C16orf89: variants seen among roughly 807,000 people sequenced by gnomAD.
The protein encoded by C16orf89 is UPF0764 protein C16orf89.
C16orf89 carries 57 observed loss-of-function variants against 41.5 expected under a neutral mutation model. The observed-to-expected ratio is 1.38, with a 90% CI of 1.11 to 1.71. C16orf89 has a LOEUF of 1.71. Ranked by LOEUF, C16orf89 falls within the 40% of genes most tolerant of loss-of-function variation. C16orf89 has a pLI of 0.00. For missense variants in C16orf89, 575 were observed against 445.9 expected (o/e 1.29, Z -2.61); for synonymous variants, 223 against 190.6 (o/e 1.17, Z -1.40).
chr16:5,064,276 G>C (rs1956690204), intron 1 of C16orf89, among the ~76,000 whole-genome samples: 1 of 152,196 alleles, frequency 6.6e-6, no homozygotes, highest in Non-Finnish European at 1.5e-5. Flanking sequence ...AAAAGGTTGG[G>C]GACCACTGCA....
At position 5,055,777 on chromosome 16, in the gene C16orf89, T is replaced by C. The variant is rs1046089445; in HGVS notation, c.763+276A>G. 13 of 1,502,814 alleles carry C rather than the reference T, an allele frequency of 8.7e-6. No individual in the cohort carries two copies. In the Admixed American group the frequency reaches 2.6e-4, roughly 30 times the overall value. The allele number at this position is 1,502,814 out of a possible 1,614,324, so 93.1% of individuals were successfully genotyped here. A position where few individuals can be genotyped will look rare whatever the true frequency, so the allele number is the denominator to read the frequency against. On this transcript the variant is annotated intron_variant, in intron 5 of 7. Coordinates refer to ENST00000472572, the MANE Select transcript of C16orf89 (RefSeq NM_001098514.3). Reference sequence around the variant, plus strand: ...GGCAGGTAAAATACAGGATGCCCAGTTACATTTGAGTTTTCGATAAACAAT... The same window carrying C: ...GGCAGGTAAAATACAGGATGCCCAGCTACATTTGAGTTTTCGATAAACAAT...
chr16:5,048,106 C>G (rs1956332544), intron 6 of C16orf89, 142 bp from the exon 7 acceptor site: 5 of 604,320 alleles, frequency 8.3e-6, no homozygotes, highest in Admixed American at 2.9e-5. Flanking sequence ...TAGCTCACCA[C>G]AACCTCGAAC....
At chr16:5,048,193 T>A (rs2142606909) in intron 6 of C16orf89, among the ~76,000 whole-genome samples, 1 of 152,208 alleles carries the variant, frequency 6.6e-6, no homozygotes, top group South Asian at 2.1e-4. Context: ...CATGTCCAGC[T>A]ATTTAAAAAA....
chr16:5,064,614 C>T (rs1425914885), intron 1 of C16orf89, among the ~76,000 whole-genome samples: 20 of 152,232 alleles, frequency 1.3e-4, no homozygotes, highest in Admixed American at 1.3e-3. Flanking sequence ...CTGTTCTAGG[C>T]ACTGGCACTG....
downstream of C16orf89, chr16:5,044,024 A>T: frequency 1.3e-6 from 1 of 743,968 alleles, no homozygotes; most frequent in Non-Finnish European, 1.7e-6. Flanking sequence ...AGGAAAAAAG[A>T]AAAAAGAATT....
intron 5 of C16orf89, 101 bp from the exon 6 acceptor site, chr16:5,055,451 G>T: frequency 8.5e-7 from 1 of 1,180,902 alleles, no homozygotes; most frequent in Non-Finnish European, 1.2e-6. Flanking sequence ...ATCTGCCTGG[G>T]TTAGGCTTAG....
intron 6 of C16orf89, among the ~76,000 whole-genome samples, chr16:5,051,408 A>T (rs990070520): frequency 6.6e-6 from 1 of 152,216 alleles, no homozygotes; most frequent in Non-Finnish European, 1.5e-5. Flanking sequence ...ATACACCTAC[A>T]ATGAACTAGC....
chr16:5,056,468 G>A (rs537632207), intron 4 of C16orf89, among the ~76,000 whole-genome samples: 20 of 152,278 alleles, frequency 1.3e-4, no homozygotes, highest in African/African-American at 4.8e-4. Flanking sequence ...GAAAGGGCGA[G>A]GCCTCTAGAA....
chr16:5,062,808 G>C (rs1207759944), intron 1 of C16orf89, among the ~76,000 whole-genome samples: 1 of 152,140 alleles, frequency 6.6e-6, no homozygotes, highest in African/African-American at 2.4e-5. Flanking sequence ...TGAGAGCTTG[G>C]TTTCTGGAGG....
In C16orf89 at chr16:5,060,435, C is replaced by T; in HGVS notation, c.360G>A (p.Glu120=). 1.2e-6 allele frequency: 2 copies of T among 1,611,670 alleles called. No individual in the cohort carries two copies. The highest frequency in any genetic ancestry group is 1.7e-6 in the Non-Finnish European group (2 of 1,178,860). Residue 120 remains glutamate, a splice_region_variant and synonymous_variant, in exon 3 of 8, where the codon GAG becomes GAA. Coordinates refer to ENST00000472572, the MANE Select transcript of C16orf89 (RefSeq NM_001098514.3). ...ACCCGGGCTGGAGGGTCAGCTGGAA[C>T]TCTGGCAGAGAGGACAGATAGATGG... ...LKLSDPKYLR[E]FQLTLQPGFW...
intron 6 of C16orf89, among the ~76,000 whole-genome samples, chr16:5,051,752 A>G (rs1956400709): frequency 6.6e-6 from 1 of 152,228 alleles, no homozygotes; most frequent in Admixed American, 6.5e-5. Flanking sequence ...AGGAAAAAGA[A>G]CAAAGCTGGA....
At chr16:5,048,978 C>G (rs576627286) in intron 6 of C16orf89, among the ~76,000 whole-genome samples, 23 of 152,208 alleles carry the variant, frequency 1.5e-4, no homozygotes, top group Admixed American at 7.2e-4. Context: ...AAGAATCTCA[C>G]TTCACTGGTA....
Position 5,062,476 on chromosome 16 carries a change from T to C in C16orf89, c.307A>G (p.Ile103Val), listed in dbSNP as rs1956646000. 1 of 1,614,104 alleles carries C rather than the reference T, an allele frequency of 6.2e-7. No homozygotes were observed. Among genetic ancestry groups the C allele is most frequent in the Non-Finnish European group, 8.5e-7 (1 of 1,179,974 alleles). The part of the protein sequence containing the change: ...GMLGEKLEAA[I>V]QRSLHYLKLS... ...TTGAGGTAGTGGAGGGATCTCTGGATGGCAGCCTCCAGCTTCTCCCCCAGC... is the reference window on the plus strand; with the variant it reads ...TTGAGGTAGTGGAGGGATCTCTGGACGGCAGCCTCCAGCTTCTCCCCCAGC... Residue 103 changes from isoleucine to valine, a missense_variant, in exon 2 of 8, where the codon ATC (isoleucine) becomes GTC (valine). Physicochemically the swap from Ile to Val is conservative, Grantham distance 29. Coordinates refer to ENST00000472572, the MANE Select transcript of C16orf89 (RefSeq NM_001098514.3).
In C16orf89 at chr16:5,048,013, T is replaced by C. The variant is rs760849677; in HGVS notation, c.869-49A>G. 2.6e-5 allele frequency: 26 copies of C among 1,014,686 alleles called. No homozygotes were observed. The African/African-American group carries it at 3.7e-4, about 14-fold the overall frequency. 62.9% of individuals were successfully genotyped at this position (1,014,686 alleles called of 1,614,324 possible). ...CTTCTCAAGAGAGATTTTTATTTTT[T>C]ACATTTTTATTTCTTTTTACTGCTT... On this transcript the variant is annotated intron_variant, in intron 6 of 7. Coordinates refer to ENST00000472572, the MANE Select transcript of C16orf89 (RefSeq NM_001098514.3).
intron 4 of C16orf89, among the ~76,000 whole-genome samples, chr16:5,056,534 G>A (rs941193580): frequency 2.0e-5 from 3 of 152,180 alleles, no homozygotes; most frequent in Non-Finnish European, 4.4e-5. Flanking sequence ...TGCCCAATGT[G>A]ATGCCTGGGC....
chr16:5,045,847 T>A (rs1956286296), intron 7 of C16orf89, among the ~76,000 whole-genome samples: 1 of 152,166 alleles, frequency 6.6e-6, no homozygotes, highest in Non-Finnish European at 1.5e-5. Context: ...GTGTCATAAG[T>A]GCAAGAATCA....
At chr16:5,056,210 G>T in intron 4 of C16orf89, 22 bp from the exon 5 acceptor site, 1 of 1,576,494 alleles carries the variant, frequency 6.3e-7, no homozygotes, top group Non-Finnish European at 8.7e-7. Context: ...AACACCCAAA[G>T]ACAAGGGAGT....
intron 3 of C16orf89, 39 bp downstream of exon 3, chr16:5,060,247 G>A (rs1266962071): frequency 5.1e-6 from 8 of 1,572,420 alleles, no homozygotes; most frequent in African/African-American, 2.7e-5. Flanking sequence ...GAACTAGTGC[G>A]TTTGGGTTTC....
At chr16:5,061,292 G>A (rs1253127691) in intron 2 of C16orf89, among the ~76,000 whole-genome samples, 15 of 145,832 alleles carry the variant, frequency 1.0e-4, no homozygotes, top group African/African-American at 3.0e-4. Context: ...AAAGCCGGGC[G>A]TGGTGGCGCA....
Sources: gnomAD v4.1 joint callset for allele counts (sites outside exome capture counted in the v4.1 genomes callset) on GRCh38, gnomAD v4.1.1 for gene constraint, MANE v1.5 for transcripts, NCBI Gene and HGNC (gene_info 2026-07-23, HGNC 2026-07-21) for gene names.